Variants in MAD1L1 observed in about 807,000 individuals in gnomAD.
The protein encoded by MAD1L1 is mitotic spindle assembly checkpoint protein MAD1.
In MAD1L1, 95 loss-of-function variants were observed where a neutral mutation model predicts 96.9. The observed-to-expected ratio is 0.98, with a 90% confidence interval of 0.83 to 1.16. The LOEUF (loss-of-function observed/expected upper bound fraction) is 1.16. Among genes scored for constraint, MAD1L1 ranks in the 50% most tolerant of loss-of-function variants. The pLI is 0.00. For synonymous variants in MAD1L1, 473 were observed against 396.6 expected (o/e 1.19, Z -2.29); for missense variants, 1,007 against 954.4 (o/e 1.06, Z -0.73).
At chr7:1,832,394 T>C (rs1167359617) in intron 18 of MAD1L1, among the ~76,000 whole-genome samples, 2 of 151,734 alleles carry the variant, frequency 1.3e-5, no homozygotes, top group African/African-American at 4.8e-5. Flanking sequence ...AGTGGTTTCT[T>C]GAGATGGAAT....
At chr7:1,855,381 G>A (rs961428089) in intron 18 of MAD1L1, among the ~76,000 whole-genome samples, 3 of 151,902 alleles carry the variant, frequency 2.0e-5, no homozygotes, top group Admixed American at 6.6e-5. Context: ...CTTAAGTTCC[G>A]CTTCCTTCTG....
At chr7:1,943,307 G>C (rs1029303360) in intron 16 of MAD1L1, among the ~76,000 whole-genome samples, 2 of 152,254 alleles carry the variant, frequency 1.3e-5, no homozygotes, top group African/African-American at 4.8e-5. Flanking sequence ...AAGGACGCCA[G>C]TGACAGGCAA....
At chr7:2,202,684 G>A (rs1792376299) in intron 10 of MAD1L1, among the ~76,000 whole-genome samples, 1 of 152,208 alleles carries the variant, frequency 6.6e-6, no homozygotes, top group African/African-American at 2.4e-5. Flanking sequence ...CAACATACCT[G>A]ACAGTCGCCC....
At chr7:2,112,686 C>T (rs151084580) in intron 11 of MAD1L1, among the ~76,000 whole-genome samples, 111 of 152,326 alleles carry the variant, frequency 7.3e-4, no homozygotes, top group African/African-American at 2.5e-3. Context: ...AGGGTGTCCA[C>T]CGAGGGGCCC....
intron 10 of MAD1L1, among the ~76,000 whole-genome samples, chr7:2,159,392 C>T (rs1789991573): frequency 6.6e-6 from 1 of 152,218 alleles, no homozygotes; most frequent in African/African-American, 2.4e-5. Context: ...TGGCCTGCCC[C>T]CTCTTCACTT....
chr7:2,024,510 T>C (rs1252221245), intron 12 of MAD1L1, among the ~76,000 whole-genome samples: 1 of 152,182 alleles, frequency 6.6e-6, no homozygotes, highest in Non-Finnish European at 1.5e-5. Context: ...GGTGAGCCAA[T>C]TTCCTTCAAC....
At position 2,073,596 on chromosome 7, in the gene MAD1L1, T is replaced by C. The variant is rs150669102; in HGVS notation, c.1074-4258A>G. On this transcript the variant is annotated intron_variant, in intron 11 of 18. Transcript: ENST00000265854. Reference sequence around the variant, plus strand: ...CTCCGCCACTCTCGCCTCTCGTGTCTGGCTGTCAAGCATCGAGCAGCTGAA... The same window carrying C: ...CTCCGCCACTCTCGCCTCTCGTGTCCGGCTGTCAAGCATCGAGCAGCTGAA... Among the ~76,000 whole-genome samples, 239 of 152,366 alleles carry C rather than the reference T, an allele frequency of 1.6e-3. 4 individuals carry two copies. Among genetic ancestry groups the C allele is most frequent in the South Asian group, 0.012 (58 of 4,832 alleles).
Position 1,968,265 on chromosome 7 carries a change from G to A in MAD1L1, c.1506-10546C>T, listed in dbSNP as rs916517198. On this transcript the variant is annotated intron_variant, in intron 15 of 18. Transcript: ENST00000265854. This position sits in a 1 kb window ranked among gnomAD's most constrained non-coding sequence, Gnocchi z 5.6. ...GTCAGGTCCACCGTCAACACCAGCG[G>A]TCTTGTCCACATCAACGCCTCAGTC... Among the ~76,000 whole-genome samples the A allele has an allele frequency of 4.0e-5, 6 of 151,190 alleles. No individual in the cohort carries two copies. The highest frequency in any genetic ancestry group is 6.6e-5 in the Admixed American group (1 of 15,168).
chr7:2,007,262 T>C (rs867517859), intron 13 of MAD1L1, among the ~76,000 whole-genome samples: 1 of 152,286 alleles, frequency 6.6e-6, no homozygotes, highest in South Asian at 2.1e-4. Flanking sequence ...TGGATCCAGA[T>C]ACCAAAGCCG....
At chr7:1,898,480 T>C in intron 17 of MAD1L1, 90 bp from the exon 18 acceptor site, 1 of 1,152,300 alleles carries the variant, frequency 8.7e-7, no homozygotes, top group African/African-American at 1.5e-5. Flanking sequence ...GGAAGCCGAG[T>C]ACAGGTGGGA....
Position 2,103,851 on chromosome 7 carries a change from G to A in MAD1L1, c.1074-34513C>T, listed in dbSNP as rs938404604. On this transcript the variant is annotated intron_variant, in intron 11 of 18. Transcript: ENST00000265854. This position sits in a 1 kb window ranked among gnomAD's most constrained non-coding sequence, Gnocchi z 4.3. ...GGTGGTGTCCGGACTCTGGAGATGG[G>A]GTGGGAAAAGGCAAGGAATGCGGGG... Among the ~76,000 whole-genome samples the A allele has an allele frequency of 6.6e-6, 1 of 152,192 alleles. No individual in the cohort carries two copies. The highest frequency in any genetic ancestry group is 1.5e-5 in the Non-Finnish European group (1 of 68,030).
rs1323865120 is a variant in MAD1L1, at chr7:1,968,589, C to A, written c.1506-10870G>T. Among the ~76,000 whole-genome samples, 1 of 151,814 alleles carries A rather than the reference C, an allele frequency of 6.6e-6. No homozygotes were observed. The highest frequency in any genetic ancestry group is 2.4e-5 in the African/African-American group (1 of 41,286). ...CCAGCGGTCAGGTCCACTGTCCACG[C>A]CTCAGTCCGGCAGTCAGGTCCGCTG... On this transcript the variant is annotated intron_variant, in intron 15 of 18. Coordinates refer to ENST00000265854, the MANE Select transcript of MAD1L1 (RefSeq NM_001013836.2). The surrounding 1 kb of genome is among the most constrained non-coding windows in gnomAD (Gnocchi z 5.6).
At chr7:1,873,292 C>A (rs1785203979) in intron 18 of MAD1L1, among the ~76,000 whole-genome samples, 2 of 152,226 alleles carry the variant, frequency 1.3e-5, no homozygotes, top group African/African-American at 4.8e-5. Context: ...AGTCCGGGTC[C>A]TGTCCTGGGG....
At chr7:1,903,155 G>C (rs1439188728) in intron 17 of MAD1L1, among the ~76,000 whole-genome samples, 5 of 151,398 alleles carry the variant, frequency 3.3e-5, no homozygotes, top group African/African-American at 7.3e-5. Context: ...GATTGATCCA[G>C]CACTGTTCCA....
chr7:2,203,608 G>A (rs533984082), intron 10 of MAD1L1, among the ~76,000 whole-genome samples: 14 of 152,328 alleles, frequency 9.2e-5, no homozygotes, highest in East Asian at 3.9e-4. Context: ...GTCTGAGTCC[G>A]TCTGCACTCC....
intron 18 of MAD1L1, chr7:1,838,865 A>T (rs1259726021): frequency 4.2e-6 from 2 of 471,382 alleles, no homozygotes; most frequent in Non-Finnish European, 8.8e-6. Context: ...GGTATGACTG[A>T]CAGGTAAGAC....
chr7:1,892,722 G>C (rs1330683584), intron 18 of MAD1L1, among the ~76,000 whole-genome samples: 4 of 152,200 alleles, frequency 2.6e-5, no homozygotes, highest in Non-Finnish European at 2.9e-5. Flanking sequence ...TGCAGTTCCG[G>C]AATCTGTGCC....
chr7:1,866,213 A>G (rs542359917), intron 18 of MAD1L1, among the ~76,000 whole-genome samples: 1 of 151,812 alleles, frequency 6.6e-6, no homozygotes, highest in Admixed American at 6.6e-5. Context: ...GCCTCAGTAC[A>G]TGCTGGAAGC....
At chr7:2,192,122 GTTTT>G (rs1562357199) in intron 10 of MAD1L1, among the ~76,000 whole-genome samples, 1 of 151,676 alleles carries the variant, frequency 6.6e-6, no homozygotes, top group South Asian at 2.1e-4. Flanking sequence ...AATCCATGGG[GTTTT>G]TTGTTTTTTT....
Sources: allele counts gnomAD v4.1 joint callset (sites outside exome capture counted in the v4.1 genomes callset), GRCh38; gene constraint gnomAD v4.1.1; non-coding constraint Gnocchi (gnomAD v3.1); transcripts MANE v1.5; gene names NCBI Gene and HGNC (gene_info 2026-07-23, HGNC 2026-07-21).